The following SIDT2 variants were observed in gnomAD, a reference collection of about 807,000 sequenced individuals.
SIDT2 encodes the protein SID1 transmembrane family member 2.
SIDT2 carries 68 observed loss-of-function variants against 114.4 expected under a neutral mutation model. That is an observed-to-expected ratio of 0.59 (90% CI 0.49 to 0.73). The LOEUF (loss-of-function observed/expected upper bound fraction) is 0.73. Ranked by LOEUF, SIDT2 falls within the 30% of genes least tolerant of loss-of-function variation. The probability of loss-of-function intolerance (pLI) is 0.00; values close to 1 mark genes in which losing one functional copy is unlikely to be tolerated. For synonymous variants in SIDT2, 470 were observed against 438.4 expected, an observed-to-expected ratio of 1.07 and a Z score of -0.90; for missense variants, 918 against 1,097.1, an observed-to-expected ratio of 0.84 and a Z score of 2.31.
rs1025886849 is a variant in SIDT2, at chr11:117,178,858, G to C, written c.-406G>C. The C allele has an allele frequency of 1.5e-5, 3 of 196,596 alleles. No individual in the cohort carries two copies. Among genetic ancestry groups the C allele is most frequent in the African/African-American group, 7.1e-5 (3 of 42,222 alleles). 12.2% of individuals were successfully genotyped at this position (196,596 alleles called of 1,614,324 possible). A position where few individuals can be genotyped will look rare whatever the true frequency, so the allele number is the denominator to read the frequency against. ...CCACCTATCACGCCCCTCACTCTGCGACTCGCCTTCCTCCGCGGCCAGCCC... is the reference window on the plus strand; with the variant it reads ...CCACCTATCACGCCCCTCACTCTGCCACTCGCCTTCCTCCGCGGCCAGCCC... On this transcript the variant is annotated 5_prime_UTR_variant, in exon 1 of 26. Coordinates refer to ENST00000324225, the MANE Select transcript of SIDT2 (RefSeq NM_001040455.2).
In SIDT2 at chr11:117,182,783, A is replaced by G. The variant is rs2030344452; in HGVS notation, c.679A>G (p.Lys227Glu). The G allele has an allele frequency of 1.9e-6, 3 of 1,613,972 alleles. No individual in the cohort carries two copies. The highest frequency in any genetic ancestry group is 2.2e-5 in the South Asian group (2 of 91,058). Residue 227 changes from lysine (K) to glutamate (E), a missense_variant, in exon 6 of 26, where the codon AAG (lysine) becomes GAG (glutamate). By Grantham distance (56) the Lys-to-Glu change is moderately conservative. Transcript: ENST00000324225. ...CATCGGCATGTACCAGACGATGACC[A>G]AGAAGGCGGCCATCACCGTACAGGT... Reference protein sequence around the residue: ...AFIGMYQTMTKKAAITVQRKD... With the variant: ...AFIGMYQTMTEKAAITVQRKD...
rs2030574116 is a variant in SIDT2, at chr11:117,188,276, G to A, written c.1160-432G>A. ...TGGATAAAGGAGAAATGCTCTTTCTGCACCCCAGGCCCACTGGGTCTTTAA... is the reference window on the plus strand; with the variant it reads ...TGGATAAAGGAGAAATGCTCTTTCTACACCCCAGGCCCACTGGGTCTTTAA... On this transcript the variant is annotated intron_variant, in intron 12 of 25. Coordinates refer to ENST00000324225, the MANE Select transcript of SIDT2 (RefSeq NM_001040455.2). This position sits in a 1 kb window ranked among gnomAD's most constrained non-coding sequence, Gnocchi z 4.0. The A allele has an allele frequency of 9.3e-6, 3 of 321,384 alleles. No homozygotes were observed. Among genetic ancestry groups the A allele is most frequent in the Non-Finnish European group, 1.2e-5 (2 of 165,196 alleles). The allele number at this position is 321,384 out of a possible 1,614,324, so 19.9% of individuals were successfully genotyped here. A position where few individuals can be genotyped will look rare whatever the true frequency, so the allele number is the denominator to read the frequency against.
chr11:117,181,367 G>A lies in SIDT2; in HGVS notation c.184-49G>A, dbSNP rs368561526. On this transcript the variant is annotated intron_variant, in intron 1 of 25. Coordinates refer to ENST00000324225, the MANE Select transcript of SIDT2 (RefSeq NM_001040455.2). ...CAGGGCTCATAGTCTCTGGAGCCAC[G>A]TGTCCCTGGTGGCAGAGGCTTGAGA... 1.0e-4 allele frequency: 167 copies of A among 1,609,714 alleles called. 1 individual carries two copies. The African/African-American group carries it at 1.6e-3, about 15-fold the overall frequency.
chr11:117,190,553 C>G lies in SIDT2; in HGVS notation c.1618-70C>G. 2 of 1,350,512 alleles carry G rather than the reference C, an allele frequency of 1.5e-6. No homozygotes were observed. Among genetic ancestry groups the G allele is most frequent in the Non-Finnish European group, 2.1e-6 (2 of 968,526 alleles). 83.7% of individuals were successfully genotyped at this position (1,350,512 alleles called of 1,614,324 possible). A position where few individuals can be genotyped will look rare whatever the true frequency, so the allele number is the denominator to read the frequency against. On this transcript the variant is annotated intron_variant, in intron 17 of 25. Transcript: ENST00000324225. This position sits in a 1 kb window ranked among gnomAD's most constrained non-coding sequence, Gnocchi z 4.1. ...TCCTCTTCCACTCCTCTTAGGGTCC[C>G]TCTTTTGGGTCCCTTCTTCCCTTCC...
At position 117,195,085 on chromosome 11, in the gene SIDT2, CAAAAAAAAAAAAAA is replaced by C. The variant is rs55970874; in HGVS notation, c.2323-701_2323-688del. On this transcript the variant is annotated intron_variant, in intron 24 of 25. Transcript: ENST00000324225. ...CTGTCAACAGAGCAAGACTCTGTCT[CAAAAAAAAAAAAAA>C]AAAAAAAAAAAAAAAGTCTTGGGTA... 3.0e-3 allele frequency among the ~76,000 whole-genome samples: 136 copies of C among 45,706 alleles called. 1 individual carries two copies. The highest frequency in any genetic ancestry group is 3.9e-3 in the Non-Finnish European group (89 of 22,888). 30.0% of individuals were successfully genotyped at this position (45,706 alleles called of 152,430 possible).
Position 117,188,935 on chromosome 11 carries a change from G to A in SIDT2, c.1278+109G>A. 1 of 1,195,876 alleles carries A rather than the reference G, an allele frequency of 8.4e-7. No individual in the cohort carries two copies. The highest frequency in any genetic ancestry group is 1.2e-6 in the Non-Finnish European group (1 of 804,654). 74.1% of individuals were successfully genotyped at this position (1,195,876 alleles called of 1,614,324 possible). On this transcript the variant is annotated intron_variant, in intron 13 of 25. Transcript: ENST00000324225. The surrounding 1 kb of genome is among the most constrained non-coding windows in gnomAD (Gnocchi z 4.0). ...GTGGCATTTAGGGAAGCAGAAGGAA[G>A]GGGCTCAGCTGGGGCAGGGCAGATG...
At position 117,192,082 on chromosome 11, in the gene SIDT2, T is replaced by C. The variant is rs2030723343; in HGVS notation, c.1872+68T>C. The C allele has an allele frequency of 1.2e-6, 2 of 1,602,268 alleles. No individual in the cohort carries two copies. Among genetic ancestry groups the C allele is most frequent in the African/African-American group, 1.3e-5 (1 of 74,662 alleles). On this transcript the variant is annotated intron_variant, in intron 19 of 25. Coordinates refer to ENST00000324225, the MANE Select transcript of SIDT2 (RefSeq NM_001040455.2). This position sits in a 1 kb window ranked among gnomAD's most constrained non-coding sequence, Gnocchi z 5.9. Reference sequence around the variant, plus strand: ...GGTGCACGTGCGTTCAGACACGTAGTGCACACCCTCCGCCACCTCCTGCAT... The same window carrying C: ...GGTGCACGTGCGTTCAGACACGTAGCGCACACCCTCCGCCACCTCCTGCAT...
chr11:117,196,289 C>A lies in SIDT2; in HGVS notation c.*223C>A. ...AGGAGCAGGCCTGCTCCCCTGGAAC[C>A]CCCAGATGTTGGCCAAATTGCTGCT... On this transcript the variant is annotated 3_prime_UTR_variant, in exon 26 of 26. Transcript: ENST00000324225. The surrounding 1 kb of genome is among the most constrained non-coding windows in gnomAD (Gnocchi z 4.9). 1.6e-6 allele frequency: 1 copy of A among 613,228 alleles called. No individual in the cohort carries two copies. The highest frequency in any genetic ancestry group is 2.8e-6 in the Non-Finnish European group (1 of 353,482). The allele number at this position is 613,228 out of a possible 1,614,324, so 38.0% of individuals were successfully genotyped here.
chr11:117,189,724 ATCAC>A (rs2030632160), intron 15 of SIDT2: 1 of 599,916 alleles, frequency 1.7e-6, no homozygotes, highest in African/African-American at 1.9e-5. Context: ...AAGAACTTCC[ATCAC>A]GGTCATGCCT....
At position 117,181,851 on chromosome 11, in the gene SIDT2, G is replaced by T; in HGVS notation, c.350G>T (p.Cys117Phe). 6.2e-7 allele frequency: 1 copy of T among 1,614,208 alleles called. No homozygotes were observed. The highest frequency in any genetic ancestry group is 8.5e-7 in the Non-Finnish European group (1 of 1,180,038). Residue 117 changes from cysteine (C) to phenylalanine (F), a missense_variant, in exon 3 of 26, where the codon TGT becomes TTT. Coordinates refer to ENST00000324225, the MANE Select transcript of SIDT2 (RefSeq NM_001040455.2). ...YLYQKVERTL[C>F]QPPTKNESEI... is the part of the protein sequence containing the mutation. ...TACCAAAAAGTGGAACGAACCCTGTGTCAGCCCCCCACCAAGAATGAGTCG... is the reference window on the plus strand; with the variant it reads ...TACCAAAAAGTGGAACGAACCCTGTTTCAGCCCCCCACCAAGAATGAGTCG...
chr11:117,192,557 C>T lies in SIDT2; in HGVS notation c.1982-17C>T. 1 of 1,607,004 alleles carries T rather than the reference C, an allele frequency of 6.2e-7. No individual in the cohort carries two copies. Among genetic ancestry groups the T allele is most frequent in the African/African-American group, 1.3e-5 (1 of 75,062 alleles). ...GGGTGCCCCGTGCCTGTCAGCACCA[C>T]TCCCTTCTCTTCGCAGACTCGGGGA... On this transcript the variant is annotated splice_polypyrimidine_tract_variant and intron_variant, in intron 20 of 25. Coordinates refer to ENST00000324225, the MANE Select transcript of SIDT2 (RefSeq NM_001040455.2). This position sits in a 1 kb window ranked among gnomAD's most constrained non-coding sequence, Gnocchi z 5.9.
intron 24 of SIDT2, among the ~76,000 whole-genome samples, chr11:117,194,808 G>C (rs368605529): frequency 9.9e-5 from 15 of 152,206 alleles, no homozygotes; most frequent in African/African-American, 3.6e-4. Context: ...GGTGAGGAGG[G>C]CTGGGCACGG....
At chr11:117,195,724 G>A (rs1356228488) in intron 24 of SIDT2, 78 bp from the exon 25 acceptor site, 3 of 1,487,694 alleles carry the variant, frequency 2.0e-6, no homozygotes, top group Non-Finnish European at 1.9e-6. Context: ...GGGTGCCCAG[G>A]AGCAAGATGG....
rs572976001 is a variant in SIDT2 at position 117,193,249 on chromosome 11, C to T, written c.2202C>T (p.Ile734=). Residue 734 remains isoleucine (I), a synonymous_variant, in exon 23 of 26, where the codon ATC becomes ATT. Coordinates refer to ENST00000324225, the MANE Select transcript of SIDT2 (RefSeq NM_001040455.2). ...TGCTCCTTTACTTCGCCTTCTACAT[C>T]ATCATGAAGGTGAGTGGGGCTGGCC... The part of the protein sequence containing the change: ...CNLLLYFAFY[I]IMKLRSGERI... 2.5e-5 allele frequency: 41 copies of T among 1,613,148 alleles called. No individual in the cohort carries two copies. The highest frequency in any genetic ancestry group is 3.2e-5 in the Non-Finnish European group (38 of 1,179,264).
At position 117,191,993 on chromosome 11, in the gene SIDT2, C is replaced by A; in HGVS notation, c.1851C>A (p.Ile617=). Reference sequence around the variant, plus strand: ...CCTACGCCTGCCTGGCCATTGTCATCTTCTTCTCTGTGCTGGGCGTGGTGA... The same window carrying A: ...CCTACGCCTGCCTGGCCATTGTCATATTCTTCTCTGTGCTGGGCGTGGTGA... ...YSAYACLAIV[I]FFSVLGVVFG... The change falls in exon 19 of 26, where the codon ATC becomes ATA. Residue 617 remains isoleucine, a synonymous_variant. Transcript: ENST00000324225. 1 of 1,614,184 alleles carries A rather than the reference C, an allele frequency of 6.2e-7. No homozygotes were observed. Among genetic ancestry groups the A allele is most frequent in the Non-Finnish European group, 8.5e-7 (1 of 1,180,022 alleles).
chr11:117,188,342 G>A lies in SIDT2; in HGVS notation c.1160-366G>A. ...GGCAGTGTCTTCTCAGAACCCACAG[G>A]GCTGGGCACCCTTGAATCAGCATGA... On this transcript the variant is annotated intron_variant, in intron 12 of 25. Coordinates refer to ENST00000324225, the MANE Select transcript of SIDT2 (RefSeq NM_001040455.2). This position sits in a 1 kb window ranked among gnomAD's most constrained non-coding sequence, Gnocchi z 4.0. The A allele has an allele frequency of 5.9e-6, 2 of 337,374 alleles. No homozygotes were observed. The highest frequency in any genetic ancestry group is 1.1e-5 in the Non-Finnish European group (2 of 177,116). The allele number at this position is 337,374 out of a possible 1,614,324, so 20.9% of individuals were successfully genotyped here. A position where few individuals can be genotyped will look rare whatever the true frequency, so the allele number is the denominator to read the frequency against.
chr11:117,187,547 C>A, intron 11 of SIDT2, 81 bp from the exon 12 acceptor site: 1 of 1,591,262 alleles, frequency 6.3e-7, no homozygotes, highest in Non-Finnish European at 8.6e-7. Flanking sequence ...CCTCCTCCAG[C>A]CCCCACACCC....
In SIDT2 at chr11:117,189,398, G is replaced by A. The variant is rs768454672; in HGVS notation, c.1416G>A (p.Gln472=). The A allele has an allele frequency of 3.1e-6, 5 of 1,614,030 alleles. No individual in the cohort carries two copies. The highest frequency in any genetic ancestry group is 4.2e-6 in the Non-Finnish European group (5 of 1,179,958). ...LPVVQLVITY[Q]TVVNVTGNQD... ...TGGTGCAGCTGGTGATCACCTACCA[G>A]ACGGTGAGAGGGCAGGGCAGGTTCA... Residue 472 remains glutamine, a synonymous_variant, in exon 15 of 26, where the codon CAG becomes CAA. Coordinates refer to ENST00000324225, the MANE Select transcript of SIDT2 (RefSeq NM_001040455.2).
Position 117,192,148 on chromosome 11 carries a change from C to A in SIDT2, c.1873-106C>A. 1 of 1,523,030 alleles carries A rather than the reference C, an allele frequency of 6.6e-7. No individual in the cohort carries two copies. Among genetic ancestry groups the A allele is most frequent in the Admixed American group, 1.7e-5 (1 of 58,266 alleles). The allele number at this position is 1,523,030 out of a possible 1,614,324, so 94.3% of individuals were successfully genotyped here. A position where few individuals can be genotyped will look rare whatever the true frequency, so the allele number is the denominator to read the frequency against. On this transcript the variant is annotated intron_variant, in intron 19 of 25. Transcript: ENST00000324225. This position sits in a 1 kb window ranked among gnomAD's most constrained non-coding sequence, Gnocchi z 5.9. ...CTTCCCTGAGATGCCTTCCTGGGCC[C>A]CTCTCAGAGTCCCAGCCTGGCTGAG...
Sources: allele counts gnomAD v4.1 joint callset (sites outside exome capture counted in the v4.1 genomes callset), GRCh38; gene constraint gnomAD v4.1.1; non-coding constraint Gnocchi (gnomAD v3.1); transcripts MANE v1.5; gene names NCBI Gene and HGNC (gene_info 2026-07-23, HGNC 2026-07-21).